Variants in GRM7 observed in about 807,000 individuals in gnomAD.
GRM7 encodes the protein glutamate metabotropic receptor 7, also known as metabotropic glutamate receptor 7.
Under a neutral mutation model 84.5 loss-of-function variants are expected in GRM7, and 35 were observed. The ratio of observed to expected loss-of-function variants is 0.41; its 90% CI spans 0.32 to 0.55. The LOEUF (loss-of-function observed/expected upper bound fraction) is 0.55. Among genes scored for constraint, GRM7 ranks in the 20% least tolerant of loss-of-function variants. The probability of loss-of-function intolerance (pLI) is 0.19; values close to 1 mark genes in which losing one functional copy is unlikely to be tolerated. For synonymous variants in GRM7, 487 were observed against 455.1 expected (o/e 1.07, Z -0.89); for missense variants, 1,003 against 1,194.6 (o/e 0.84, Z 2.36).
At chr3:7,542,757 A>G (rs936321001) in intron 7 of GRM7, among the ~76,000 whole-genome samples, 5 of 152,124 alleles carry the variant, frequency 3.3e-5, no homozygotes, top group Non-Finnish European at 5.9e-5. Context: ...CACGTTGGCC[A>G]GGATGGTCTT....
intron 1 of GRM7, among the ~76,000 whole-genome samples, chr3:7,091,811 C>CA (rs1698675187): frequency 6.7e-6 from 1 of 149,694 alleles, no homozygotes; most frequent in Non-Finnish European, 1.5e-5. Flanking sequence ...CTGAATTATA[C>CA]AGTAGCTACC....
rs1269714389 is a variant in GRM7, at chr3:7,325,239, G to C, written c.1033+18587G>C. ...CTGTCACCATGCTAAGTGAGGTGAG[G>C]GAGATGGTTACTTCCTTCGTTAGGT... On this transcript the variant is annotated intron_variant, in intron 4 of 9. Coordinates refer to ENST00000357716, the MANE Select transcript of GRM7 (RefSeq NM_000844.4). Among the ~76,000 whole-genome samples the C allele has an allele frequency of 2.0e-5, 3 of 152,180 alleles. No homozygotes were observed. The East Asian group carries it at 5.8e-4, about 29-fold the overall frequency.
intron 1 of GRM7, among the ~76,000 whole-genome samples, chr3:6,943,401 G>A (rs940608416): frequency 6.6e-6 from 1 of 151,886 alleles, no homozygotes; most frequent in African/African-American, 2.4e-5. Context: ...ATGAATTAAA[G>A]TTGATTATTT....
intron 1 of GRM7, among the ~76,000 whole-genome samples, chr3:6,916,949 T>G (rs1415524422): frequency 6.6e-6 from 1 of 152,186 alleles, no homozygotes; most frequent in African/African-American, 2.4e-5. Flanking sequence ...CAATCACTGT[T>G]AAGTAACCCT....
At chr3:7,622,820 G>A (rs1697423926) in intron 8 of GRM7, among the ~76,000 whole-genome samples, 1 of 152,096 alleles carries the variant, frequency 6.6e-6, no homozygotes, top group Non-Finnish European at 1.5e-5. Flanking sequence ...AGTCCATGAG[G>A]GCAGACTGAA....
At chr3:7,663,874 G>A (rs1238122068) in intron 8 of GRM7, among the ~76,000 whole-genome samples, 1 of 152,162 alleles carries the variant, frequency 6.6e-6, no homozygotes, top group African/African-American at 2.4e-5. Context: ...CTAGAATTTA[G>A]AATTTCTGAC....
intron 1 of GRM7, among the ~76,000 whole-genome samples, chr3:7,076,521 T>A (rs113745864): frequency 3.9e-5 from 6 of 152,296 alleles, no homozygotes; most frequent in African/African-American, 1.4e-4. Flanking sequence ...CCTTCCACCA[T>A]GACTGTCAGT....
intron 7 of GRM7, among the ~76,000 whole-genome samples, chr3:7,523,818 G>A (rs1253255737): frequency 1.3e-5 from 2 of 152,058 alleles, no homozygotes; most frequent in South Asian, 2.1e-4. Context: ...ATGGAAATGC[G>A]GGGATGGGGA....
intron 1 of GRM7, among the ~76,000 whole-genome samples, chr3:6,987,399 C>CAAAAA (rs55694959): frequency 1.4e-4 from 18 of 129,058 alleles, no homozygotes; most frequent in African/African-American, 5.1e-4. Context: ...TGCTGAAGGA[C>CAAAAA]AAAAAAAAAA....
At chr3:7,566,615 C>T (rs1694284262) in intron 7 of GRM7, among the ~76,000 whole-genome samples, 1 of 151,636 alleles carries the variant, frequency 6.6e-6, no homozygotes, top group African/African-American at 2.4e-5. Flanking sequence ...GGCTTTTCTA[C>T]TGGCAGAACT....
intron 2 of GRM7, among the ~76,000 whole-genome samples, chr3:7,162,763 T>A (rs916222663): frequency 1.4e-5 from 1 of 69,348 alleles, no homozygotes; most frequent in African/African-American, 6.7e-5. Flanking sequence ...TTTTTTTTTT[T>A]TTTTTTTTTT....
chr3:6,934,422 A>T (rs1457771656), intron 1 of GRM7, among the ~76,000 whole-genome samples: 1 of 152,140 alleles, frequency 6.6e-6, no homozygotes, highest in Non-Finnish European at 1.5e-5. Context: ...TCTTCATTAC[A>T]TTAGGAAAGA....
intron 1 of GRM7, among the ~76,000 whole-genome samples, chr3:6,979,806 A>C (rs1694128810): frequency 1.3e-5 from 2 of 152,202 alleles, no homozygotes; most frequent in Admixed American, 1.3e-4. Flanking sequence ...AACATAATAC[A>C]TGTAGAGAAA....
chr3:7,207,095 C>T (rs1487812667), intron 2 of GRM7, among the ~76,000 whole-genome samples: 3 of 152,062 alleles, frequency 2.0e-5, no homozygotes, highest in Non-Finnish European at 4.4e-5. Context: ...AGAAGGAAAA[C>T]AATGTTCGCT....
intron 1 of GRM7, among the ~76,000 whole-genome samples, chr3:6,947,285 G>A (rs552290585): frequency 9.2e-5 from 14 of 152,112 alleles, no homozygotes; most frequent in African/African-American, 3.1e-4. Flanking sequence ...TTTGTCAAAC[G>A]CCTTTTCTGC....
In GRM7 at chr3:6,861,886, C is replaced by A; in HGVS notation, c.498C>A (p.Ala166=). ...ASGSSVSIMV[A]NILRLFQIPQ... is the part of the protein sequence containing the mutation. ...GGAGTTCGGTCTCCATCATGGTAGC[C>A]AACATCCTGAGGCTCTTCCAGGTAG... is the stretch of plus-strand genomic sequence containing the variant. Residue 166 remains alanine (A), a synonymous_variant, in exon 1 of 10, where the codon GCC becomes GCA. Coordinates refer to ENST00000357716, the MANE Select transcript of GRM7 (RefSeq NM_000844.4). This position sits in a 1 kb window ranked among gnomAD's most constrained non-coding sequence, Gnocchi z 6.4. The A allele has an allele frequency of 1.9e-6, 3 of 1,612,268 alleles. No homozygotes were observed. Among genetic ancestry groups the A allele is most frequent in the Non-Finnish European group, 2.5e-6 (3 of 1,178,776 alleles).
chr3:7,477,723 A>C (rs147360044), intron 7 of GRM7, among the ~76,000 whole-genome samples: 46 of 152,258 alleles, frequency 3.0e-4, no homozygotes, highest in South Asian at 8.3e-4. Context: ...TTGAAATATC[A>C]TTTGAATGTT....
chr3:7,211,498 C>T (rs1696426099), intron 2 of GRM7, among the ~76,000 whole-genome samples: 1 of 152,046 alleles, frequency 6.6e-6, no homozygotes, highest in East Asian at 1.9e-4. Flanking sequence ...CTGGTAAAGC[C>T]TTGCTCTGGT....
chr3:7,555,565 T>G (rs966828751), intron 7 of GRM7, among the ~76,000 whole-genome samples: 1 of 152,254 alleles, frequency 6.6e-6, no homozygotes, highest in Non-Finnish European at 1.5e-5. Context: ...TTTTTAGTCC[T>G]AACAATTCTG....
Sources: allele counts gnomAD v4.1 joint callset (sites outside exome capture counted in the v4.1 genomes callset), GRCh38; gene constraint gnomAD v4.1.1; non-coding constraint Gnocchi (gnomAD v3.1); transcripts MANE v1.5; gene names NCBI Gene and HGNC (gene_info 2026-07-23, HGNC 2026-07-21).